The following KAZN variants were observed in gnomAD, a reference collection of about 807,000 sequenced individuals.
The protein encoded by KAZN is kazrin, periplakin interacting protein, also known as kazrin.
In KAZN, 40 loss-of-function variants were observed where a neutral mutation model predicts 87.4. The observed-to-expected ratio is 0.46, with a 90% CI of 0.36 to 0.60. The LOEUF (loss-of-function observed/expected upper bound fraction) is 0.60. Among genes scored for constraint, KAZN ranks in the 20% least tolerant of loss-of-function variants. The pLI, the probability that KAZN is intolerant of heterozygous loss-of-function variation, is 0.00. For synonymous variants in KAZN, 466 were observed against 458.3 expected (o/e 1.02, Z -0.22); for missense variants, 898 against 1,073.9 (o/e 0.84, Z 2.29).
In KAZN at chr1:14,960,735, G is replaced by C. The variant is rs373550206; in HGVS notation, c.278G>C (p.Arg93Pro). Residue 93 changes from arginine to proline, a missense_variant, in exon 2 of 15, where the codon CGG (arginine) becomes CCG (proline). By Grantham distance (103) the Arg-to-Pro change is moderately radical. This residue lies in a region of KAZN where 250 missense variants were observed against 263.0 expected (regional missense o/e 0.95). Coordinates refer to ENST00000376030, the MANE Select transcript of KAZN (RefSeq NM_201628.3). ...SRLQEEVHLL[R>P]QMKEMLAKDL... is the part of the protein sequence containing the mutation. ...CTCCAGGAGGAAGTTCACCTTCTCC[G>C]GCAGATGAAGGAGATGTTGGCGAAG... 6.3e-7 allele frequency: 1 copy of C among 1,590,392 alleles called. No individual in the cohort carries two copies. The highest frequency in any genetic ancestry group is 1.8e-5 in the Admixed American group (1 of 56,308).
chr1:14,475,194 G>T (rs1268579220), intron 2 of KAZN, among the ~76,000 whole-genome samples: 1 of 152,114 alleles, frequency 6.6e-6, no homozygotes. Flanking sequence ...GAAAGATATT[G>T]GGTGATGTGT....
rs1277169052 is a variant in KAZN at position 15,035,077 on chromosome 1, T to C, written c.555+192T>C. On this transcript the variant is annotated intron_variant, in intron 3 of 14. Transcript: ENST00000376030. Reference sequence around the variant, plus strand: ...CCCGGAGAGGGATCTCCATGTCTCCTGGGCAAACAGGACAGCGTGGACTCA... The same window carrying C: ...CCCGGAGAGGGATCTCCATGTCTCCCGGGCAAACAGGACAGCGTGGACTCA... 5.3e-5 allele frequency among the ~76,000 whole-genome samples: 8 copies of C among 151,888 alleles called. No individual in the cohort carries two copies. In the East Asian group the frequency reaches 1.6e-3, roughly 30 times the overall value.
At chr1:14,158,006 C>A (rs1339171323) in intron 1 of KAZN, among the ~76,000 whole-genome samples, 1 of 152,172 alleles carries the variant, frequency 6.6e-6, no homozygotes, top group Non-Finnish European at 1.5e-5. Flanking sequence ...CACCAGGTCA[C>A]TCCCTTGACA....
chr1:15,025,000 G>T (rs1671036113), intron 2 of KAZN, among the ~76,000 whole-genome samples: 1 of 152,162 alleles, frequency 6.6e-6, no homozygotes, highest in Non-Finnish European at 1.5e-5. Context: ...GATGTCCTCT[G>T]CCCTCATGGC....
intron 1 of KAZN, among the ~76,000 whole-genome samples, chr1:14,699,951 T>C (rs1036913402): frequency 6.6e-6 from 1 of 151,528 alleles, no homozygotes; most frequent in Non-Finnish European, 1.5e-5. Flanking sequence ...CTCTAGAGAG[T>C]GCGCAGTCCA....
intron 1 of KAZN, among the ~76,000 whole-genome samples, chr1:14,147,531 T>C (rs1645378353): frequency 6.6e-6 from 1 of 152,188 alleles, no homozygotes; most frequent in African/African-American, 2.4e-5. Flanking sequence ...TGGTGGCTCA[T>C]GCCTGTAATC....
At chr1:14,237,630 G>T (rs1648547361) in intron 2 of KAZN, among the ~76,000 whole-genome samples, 1 of 152,088 alleles carries the variant, frequency 6.6e-6, no homozygotes, top group South Asian at 2.1e-4. Context: ...GAATAGGTTG[G>T]TGTAATCAAT....
At chr1:15,002,242 G>A (rs866427215) in intron 2 of KAZN, among the ~76,000 whole-genome samples, 1 of 152,146 alleles carries the variant, frequency 6.6e-6, no homozygotes, top group African/African-American at 2.4e-5. Context: ...GCTGGCCCCA[G>A]CCAAAATTCA....
intron 2 of KAZN, among the ~76,000 whole-genome samples, chr1:15,000,519 C>T (rs535396290): frequency 4.0e-5 from 6 of 151,864 alleles, no homozygotes; most frequent in African/African-American, 1.5e-4. Context: ...TCGGGGGGTA[C>T]AGAGGGTGTC....
At chr1:14,020,677 G>A (rs1248726652) in intron 1 of KAZN, among the ~76,000 whole-genome samples, 1 of 152,224 alleles carries the variant, frequency 6.6e-6, no homozygotes, top group Non-Finnish European at 1.5e-5. Flanking sequence ...TCACCTTGCT[G>A]TGTCTCTCCT....
chr1:14,741,964 G>C (rs1269377508), intron 1 of KAZN, among the ~76,000 whole-genome samples: 1 of 151,040 alleles, frequency 6.6e-6, no homozygotes, highest in Non-Finnish European at 1.5e-5. Context: ...GTTGTTTTTT[G>C]TTTTGTTTAG....
intron 2 of KAZN, among the ~76,000 whole-genome samples, chr1:14,517,193 C>A (rs1477824051): frequency 1.3e-5 from 2 of 152,106 alleles, no homozygotes; most frequent in Non-Finnish European, 2.9e-5. Flanking sequence ...AGACTCAAGT[C>A]TATGAGTTTA....
intron 1 of KAZN, among the ~76,000 whole-genome samples, chr1:13,935,252 G>GTAATAATAATAAAAATAATAA: frequency 6.8e-6 from 1 of 147,088 alleles, no homozygotes; most frequent in Middle Eastern, 3.5e-3. Context: ...AGTAGTAGTA[G>GTAATAATAATAAAAATAATAA]TAATAATAAT....
intron 2 of KAZN, among the ~76,000 whole-genome samples, chr1:15,034,495 G>A (rs533254986): frequency 9.2e-5 from 14 of 152,170 alleles, no homozygotes; most frequent in South Asian, 2.1e-4. Flanking sequence ...AAGCAGTTTC[G>A]ACAACGACTT....
At chr1:14,883,073 A>C (rs1388974700) in intron 1 of KAZN, among the ~76,000 whole-genome samples, 2 of 151,852 alleles carry the variant, frequency 1.3e-5, no homozygotes, top group South Asian at 4.2e-4. Flanking sequence ...AGGTGGGTGG[A>C]TCACCTGAGG....
intron 2 of KAZN, among the ~76,000 whole-genome samples, chr1:14,448,015 G>A (rs1393714937): frequency 6.6e-6 from 1 of 152,198 alleles, no homozygotes; most frequent in African/African-American, 2.4e-5. Context: ...TTTGAGCTCT[G>A]CACTGTAAGT....
rs556234820 is a variant in KAZN at position 15,055,368 on chromosome 1, A to G, written c.727-723A>G. Among the ~76,000 whole-genome samples the G allele has an allele frequency of 3.3e-5, 5 of 152,222 alleles. No homozygotes were observed. In the South Asian group the frequency reaches 1.0e-3, roughly 32 times the overall value. ...GGCACATGCCTGTAATCCTAGCTAC[A>G]CGTGAGGTTGAGGCAGGAGAATTGC... On this transcript the variant is annotated intron_variant, in intron 4 of 14. Coordinates refer to ENST00000376030, the MANE Select transcript of KAZN (RefSeq NM_201628.3).
At chr1:14,302,870 G>A (rs2100785114) in intron 2 of KAZN, among the ~76,000 whole-genome samples, 1 of 152,322 alleles carries the variant, frequency 6.6e-6, no homozygotes, top group Non-Finnish European at 1.5e-5. Flanking sequence ...AGCGACGTGA[G>A]TTGTAAGAAG....
At chr1:14,873,955 G>A (rs1652465809) in intron 1 of KAZN, among the ~76,000 whole-genome samples, 1 of 152,196 alleles carries the variant, frequency 6.6e-6, no homozygotes, top group African/African-American at 2.4e-5. Flanking sequence ...TGGAAGGAAA[G>A]CACTTGTCAT....
Sources: gnomAD v4.1 joint callset for allele counts (sites outside exome capture counted in the v4.1 genomes callset) on GRCh38, gnomAD v4.1.1 for gene constraint, gnomAD v4.1.1 regional missense constraint, MANE v1.5 for transcripts, NCBI Gene and HGNC (gene_info 2026-07-23, HGNC 2026-07-21) for gene names.